Variants in DAB1 observed in about 807,000 individuals in gnomAD.
DAB1 encodes DAB adaptor protein 1.
Under a neutral mutation model 64.6 loss-of-function variants are expected in DAB1, and 15 were observed. That is an observed-to-expected ratio of 0.23 (90% confidence interval 0.16 to 0.36). DAB1 has a LOEUF of 0.36. Ranked by LOEUF, DAB1 falls within the 10% of genes least tolerant of loss-of-function variation. The pLI is 1.00. For missense variants in DAB1, 596 were observed against 706.7 expected (o/e 0.84, Z 1.78); for synonymous variants, 235 against 251.9 (o/e 0.93, Z 0.64).
intron 4 of DAB1, among the ~76,000 whole-genome samples, chr1:58,329,663 T>C (rs1028388534): frequency 6.6e-6 from 1 of 152,220 alleles, no homozygotes; most frequent in African/African-American, 2.4e-5. Context: ...ATAAGCTCAG[T>C]CAGTGTCTCT....
chr1:58,130,358 C>T (rs995996216), intron 5 of DAB1, among the ~76,000 whole-genome samples: 6 of 149,324 alleles, frequency 4.0e-5, no homozygotes, highest in Non-Finnish European at 7.4e-5. Flanking sequence ...TGTCTCTGCA[C>T]GTGAGATGGG....
intron 6 of DAB1, among the ~76,000 whole-genome samples, chr1:57,658,922 T>C (rs779895095): frequency 3.3e-5 from 5 of 152,204 alleles, no homozygotes; most frequent in African/African-American, 4.8e-5. Context: ...TGACTTCCAA[T>C]GCTTCTATGC....
rs78499585 is a variant in DAB1 at position 57,325,521 on chromosome 1, G to A, written c.-136-34355C>T. On this transcript the variant is annotated intron_variant, in intron 1 of 14. Coordinates refer to ENST00000371236, the MANE Select transcript of DAB1 (RefSeq NM_001365792.1). ...TACCTAATGCGGTGCTTGGTACAGA[G>A]CAGGTGCTATTATTATAACTGGATG... 4.7e-3 allele frequency among the ~76,000 whole-genome samples: 715 copies of A among 152,312 alleles called. 3 individuals carry two copies. The highest frequency in any genetic ancestry group is 0.016 in the African/African-American group (656 of 41,564).
intron 2 of DAB1, among the ~76,000 whole-genome samples, chr1:57,183,318 C>T (rs573845763): frequency 6.6e-5 from 10 of 152,272 alleles, no homozygotes; most frequent in African/African-American, 2.2e-4. Context: ...GAGGTAAAGA[C>T]AGTTACACTG....
At chr1:57,893,468 C>G (rs1644347579) in intron 5 of DAB1, among the ~76,000 whole-genome samples, 1 of 152,146 alleles carries the variant, frequency 6.6e-6, no homozygotes, top group East Asian at 1.9e-4. Flanking sequence ...CACTGGAATT[C>G]TCTGTGCCTG....
intron 3 of DAB1, among the ~76,000 whole-genome samples, chr1:58,363,400 G>C (rs1265230074): frequency 2.0e-5 from 3 of 152,108 alleles, no homozygotes; most frequent in Non-Finnish European, 4.4e-5. Context: ...AAAATCTAGG[G>C]GCAGCAAGAA....
chr1:57,445,774 T>C (rs1479928673), intron 7 of DAB1, among the ~76,000 whole-genome samples: 1 of 152,194 alleles, frequency 6.6e-6, no homozygotes, highest in Non-Finnish European at 1.5e-5. Context: ...CAAAATATAT[T>C]AAAACGCATA....
chr1:58,457,738 A>G (rs1645205732), intron 3 of DAB1, among the ~76,000 whole-genome samples: 2 of 152,280 alleles, frequency 1.3e-5, no homozygotes, highest in South Asian at 4.1e-4. Context: ...GTGGCCCATT[A>G]AAGATGTAGG....
chr1:57,865,175 T>C (rs776208340), intron 1 of DAB1: 7 of 152,144 alleles, frequency 4.6e-5, no homozygotes, highest in African/African-American at 1.7e-4. Flanking sequence ...AAAAGGCATA[T>C]CTGCCTCTTC....
rs148972438 is a variant in DAB1, at chr1:57,209,778, A to G, written c.68-64349T>C. On this transcript the variant is annotated intron_variant, in intron 2 of 14. Transcript: ENST00000371236. ...CGCCCTCTCCCTATTGTTTAATTCA[A>G]TGGCTCTCAATTGTTTCTCTCCTCT... Among the ~76,000 whole-genome samples, 806 of 152,268 alleles carry G rather than the reference A, an allele frequency of 5.3e-3. 8 individuals carry two copies. The highest frequency in any genetic ancestry group is 0.019 in the African/African-American group (777 of 41,548).
chr1:57,948,419 G>C (rs980947874), intron 5 of DAB1, among the ~76,000 whole-genome samples: 11 of 152,190 alleles, frequency 7.2e-5, no homozygotes, highest in African/African-American at 2.7e-4. Context: ...TCATAAAAAT[G>C]CAAGAATTGG....
intron 3 of DAB1, among the ~76,000 whole-genome samples, chr1:58,417,050 C>T (rs1165152300): frequency 1.3e-5 from 2 of 152,128 alleles, no homozygotes; most frequent in African/African-American, 2.4e-5. Flanking sequence ...TTTAATGTGG[C>T]TACTAGCAAA....
intron 7 of DAB1, among the ~76,000 whole-genome samples, chr1:57,558,156 T>C (rs1645012169): frequency 6.6e-6 from 1 of 152,196 alleles, no homozygotes; most frequent in Non-Finnish European, 1.5e-5. Flanking sequence ...ACTGAGTTTG[T>C]AAACTCTGAT....
At chr1:57,696,620 G>A (rs1298121302) in intron 6 of DAB1, among the ~76,000 whole-genome samples, 1 of 152,118 alleles carries the variant, frequency 6.6e-6, no homozygotes, top group Admixed American at 6.5e-5. Flanking sequence ...CTCAAACGGG[G>A]GCTCTGGGCA....
At chr1:57,226,672 A>AAAAAAATATATATATATATAT (rs747021990) in intron 2 of DAB1, among the ~76,000 whole-genome samples, 4 of 135,998 alleles carry the variant, frequency 2.9e-5, no homozygotes, top group African/African-American at 1.2e-4. Context: ...TTAAAAAAAA[A>AAAAAAATATATATATATATAT]ATATATATAT....
chr1:57,545,614 A>C (rs923256990), intron 7 of DAB1, among the ~76,000 whole-genome samples: 3 of 152,196 alleles, frequency 2.0e-5, no homozygotes, highest in African/African-American at 7.2e-5. Flanking sequence ...TACCCACTGA[A>C]GACAGAACAA....
Position 57,718,963 on chromosome 1 carries a change from GA to G in DAB1, n.552-69299del, listed in dbSNP as rs59054861. 6.6e-3 allele frequency among the ~76,000 whole-genome samples: 944 copies of G among 142,398 alleles called. 8 individuals carry two copies. Among genetic ancestry groups the G allele is most frequent in the African/African-American group, 0.022 (847 of 39,048 alleles). 93.4% of individuals were successfully genotyped at this position (142,398 alleles called of 152,430 possible). A position where few individuals can be genotyped will look rare whatever the true frequency, so the allele number is the denominator to read the frequency against. ...GATTATTCCAGCTCACCAGTAAAAG[GA>G]AAAAAAAAAAGATGACACCTGTTGG... On this transcript the variant is annotated intron_variant and non_coding_transcript_variant, in intron 6 of 20. Transcript: ENST00000485760.
At chr1:58,341,973 G>A (rs1185923793) in intron 4 of DAB1, among the ~76,000 whole-genome samples, 1 of 152,104 alleles carries the variant, frequency 6.6e-6, no homozygotes, top group African/African-American at 2.4e-5. Flanking sequence ...TTGAAAAATG[G>A]TAGACACACA....
intron 4 of DAB1, among the ~76,000 whole-genome samples, chr1:58,231,495 G>A (rs902229873): frequency 1.3e-5 from 2 of 152,138 alleles, no homozygotes; most frequent in Non-Finnish European, 2.9e-5. Context: ...AGAGGGCAAG[G>A]GAGGACCACA....
Sources: allele counts gnomAD v4.1 joint callset (sites outside exome capture counted in the v4.1 genomes callset), GRCh38; gene constraint gnomAD v4.1.1; transcripts MANE v1.5; gene names NCBI Gene and HGNC (gene_info 2026-07-23, HGNC 2026-07-21).